MORF4L1: variants seen among roughly 807,000 people sequenced by gnomAD.
MORF4L1 encodes the protein mortality factor 4 like 1, also known as mortality factor 4-like protein 1.
MORF4L1 carries 4 observed loss-of-function variants against 52.9 expected under a neutral mutation model. The observed-to-expected ratio is 0.08, with a 90% CI of 0.04 to 0.17. The LOEUF is 0.17. Ranked by LOEUF, MORF4L1 falls within the 10% of genes least tolerant of loss-of-function variation. MORF4L1 has a pLI of 1.00. For synonymous variants in MORF4L1, 123 were observed against 134.8 expected, an observed-to-expected ratio of 0.91 and a Z score of 0.61; for missense variants, 214 against 390.4, an observed-to-expected ratio of 0.55 and a Z score of 3.81.
intron 7 of MORF4L1, 66 bp downstream of exon 7, chr15:78,891,638 A>AT: frequency 7.8e-7 from 1 of 1,281,686 alleles, no homozygotes; most frequent in Non-Finnish European, 1.1e-6. Context: ...TGACATAACC[A>AT]TGGGAGCTTT....
At position 78,897,609 on chromosome 15, in the gene MORF4L1, A is replaced by G. The variant is rs1358829649; in HGVS notation, c.*542A>G. On this transcript the variant is annotated 3_prime_UTR_variant, in exon 12 of 12. Transcript: ENST00000426013. ...TGGTGGCTTGTTTCATGGTTTTTGTATTTGTGTCTAATGCACGTTTTAACA... is the reference window on the plus strand; with the variant it reads ...TGGTGGCTTGTTTCATGGTTTTTGTGTTTGTGTCTAATGCACGTTTTAACA... The G allele has an allele frequency of 6.5e-6, 1 of 152,688 alleles. No individual in the cohort carries two copies. The highest frequency in any genetic ancestry group is 2.4e-5 in the African/African-American group (1 of 41,402). 9.5% of individuals were successfully genotyped at this position (152,688 alleles called of 1,614,324 possible).
chr15:78,874,055 AGACT>A (rs1460527399), intron 1 of MORF4L1: 2 of 152,242 alleles, frequency 1.3e-5, no homozygotes, highest in African/African-American at 4.8e-5. Flanking sequence ...GGGTAAGGTT[AGACT>A]GACTCCCAGT....
In MORF4L1 at chr15:78,872,899, C is replaced by G. The variant is rs1453426863; in HGVS notation, c.-119C>G. The G allele has an allele frequency of 6.8e-7, 1 of 1,460,890 alleles. No homozygotes were observed. Among genetic ancestry groups the G allele is most frequent in the African/African-American group, 1.5e-5 (1 of 68,078 alleles). The allele number at this position is 1,460,890 out of a possible 1,614,324, so 90.5% of individuals were successfully genotyped here. On this transcript the variant is annotated 5_prime_UTR_variant, in exon 1 of 12. Coordinates refer to ENST00000426013, the MANE Select transcript of MORF4L1 (RefSeq NM_006791.4). ...GTCTGCGGGCGCTGGCAAATCCGGC[C>G]CAGGATGTAGAGCTGGCAGTGCCTG...
chr15:78,897,234 T>C lies in MORF4L1; in HGVS notation c.*167T>C. 2 of 529,970 alleles carry C rather than the reference T, an allele frequency of 3.8e-6. No individual in the cohort carries two copies. Among genetic ancestry groups the C allele is most frequent in the African/African-American group, 4.1e-5 (2 of 48,430 alleles). 32.8% of individuals were successfully genotyped at this position (529,970 alleles called of 1,614,324 possible). On this transcript the variant is annotated 3_prime_UTR_variant, in exon 12 of 12. Transcript: ENST00000426013. ...AAATAAAAGGGGGTAATAGCTCCTT[T>C]TTTCTTCTTTCTTTTTTTTTTTCAT...
intron 6 of MORF4L1, 63 bp from the exon 7 acceptor site, chr15:78,891,421 C>G (rs2056799263): frequency 1.6e-6 from 2 of 1,226,968 alleles, no homozygotes; most frequent in African/African-American, 3.0e-5. Context: ...TGTCAAGAGA[C>G]TATTTTCCTT....
chr15:78,878,534 AAG>A (rs763412545), intron 2 of MORF4L1, among the ~76,000 whole-genome samples: 7 of 152,222 alleles, frequency 4.6e-5, no homozygotes, highest in South Asian at 2.1e-4. Flanking sequence ...TGTGGGAACA[AAG>A]AGCATTTTGT....
rs940840146 is a variant in MORF4L1 at position 78,880,726 on chromosome 15, A to G, written c.155+147A>G. ...AAAGGTGAATCATTTGTAGTATGACAAAACTATTAGAAATTAGGGTACTGA... is the reference window on the plus strand; with the variant it reads ...AAAGGTGAATCATTTGTAGTATGACGAAACTATTAGAAATTAGGGTACTGA... On this transcript the variant is annotated intron_variant, in intron 3 of 11. Transcript: ENST00000426013. 18 of 592,204 alleles carry G rather than the reference A, an allele frequency of 3.0e-5. No individual in the cohort carries two copies. The Middle Eastern group carries it at 9.1e-4, about 30-fold the overall frequency. The allele number at this position is 592,204 out of a possible 1,614,324, so 36.7% of individuals were successfully genotyped here.
intron 9 of MORF4L1, 84 bp downstream of exon 9, chr15:78,893,711 C>T (rs771611259): frequency 6.4e-5 from 57 of 890,168 alleles, no homozygotes; most frequent in Admixed American, 2.6e-4. Flanking sequence ...GTACTGACTC[C>T]GAAACATTAA....
At chr15:78,884,879 C>T (rs182562246) in intron 3 of MORF4L1, 24 of 831,274 alleles carry the variant, frequency 2.9e-5, no homozygotes, top group East Asian at 5.5e-5. Flanking sequence ...CACTTAAATA[C>T]TCCATTTGTA....
intron 2 of MORF4L1, among the ~76,000 whole-genome samples, chr15:78,878,675 T>A (rs2056541387): frequency 6.6e-6 from 1 of 152,224 alleles, no homozygotes. Flanking sequence ...ATTTAACTGT[T>A]GATTGTTGAT....
At chr15:78,881,686 T>G (rs1168325277) in intron 3 of MORF4L1, among the ~76,000 whole-genome samples, 1 of 152,250 alleles carries the variant, frequency 6.6e-6, no homozygotes, top group East Asian at 1.9e-4. Flanking sequence ...ATTTGGTGAT[T>G]GTAATGAAAA....
chr15:78,887,535 G>T lies in MORF4L1; in HGVS notation c.323+186G>T, dbSNP rs986062816. On this transcript the variant is annotated intron_variant, in intron 5 of 11. Transcript: ENST00000426013. ...CGTATTCCTTAATTTTCCTCAGCAG[G>T]TTCCCCCTCCCTTTAACTTGTGTGT... 1.3e-5 allele frequency: 6 copies of T among 469,214 alleles called. No individual in the cohort carries two copies. In the Admixed American group the frequency reaches 2.4e-4, roughly 19 times the overall value. The allele number at this position is 469,214 out of a possible 1,614,324, so 29.1% of individuals were successfully genotyped here.
At chr15:78,873,582 G>A (rs1319449234) in intron 1 of MORF4L1, 1 of 166,986 alleles carries the variant, frequency 6.0e-6, no homozygotes, top group Admixed American at 6.5e-5. Flanking sequence ...CGGGAGAAGT[G>A]CGTTGTAAAA....
intron 1 of MORF4L1, among the ~76,000 whole-genome samples, chr15:78,877,434 T>C (rs1210019359): frequency 6.6e-6 from 1 of 152,220 alleles, no homozygotes; most frequent in Admixed American, 6.5e-5. Flanking sequence ...CTTTTAATTT[T>C]AGAGCTAAAA....
At chr15:78,884,438 G>A (rs1420237378) in intron 3 of MORF4L1, among the ~76,000 whole-genome samples, 1 of 151,774 alleles carries the variant, frequency 6.6e-6, no homozygotes, top group Non-Finnish European at 1.5e-5. Context: ...CTAGGAGTTC[G>A]AGACAAGCCT....
chr15:78,894,121 C>G lies in MORF4L1; in HGVS notation c.693C>G (p.Thr231=). The G allele has an allele frequency of 6.2e-7, 1 of 1,613,616 alleles. No individual in the cohort carries two copies. Among genetic ancestry groups the G allele is most frequent in the Non-Finnish European group, 8.5e-7 (1 of 1,179,732 alleles). ...AATACTTCAACGTAATGTTGGGTAC[C>G]CAGCTACTCTATAAATTTGAGAGAC... is the stretch of plus-strand genomic sequence containing the variant. ...IKEYFNVMLG[T]QLLYKFERPQ... is the part of the protein sequence containing the mutation. Residue 231 remains threonine, a synonymous_variant, in exon 10 of 12, where the codon ACC becomes ACG. Transcript: ENST00000426013.
At chr15:78,894,411 T>A in intron 10 of MORF4L1, 181 bp downstream of exon 10, 1 of 489,976 alleles carries the variant, frequency 2.0e-6, no homozygotes, top group Non-Finnish European at 3.3e-6. Context: ...GTATTTTATT[T>A]TATAATTTTT....
Position 78,880,593 on chromosome 15 carries a change from C to A in MORF4L1, c.155+14C>A, listed in dbSNP as rs1299792972. ...TTGGAATAAAAAGTGAGTATTAGAT[C>A]TTACAATTCTATTTGTAATTAACAA... is the stretch of plus-strand genomic sequence containing the variant. On this transcript the variant is annotated intron_variant, in intron 3 of 11. Coordinates refer to ENST00000426013, the MANE Select transcript of MORF4L1 (RefSeq NM_006791.4). The A allele has an allele frequency of 1.3e-6, 2 of 1,543,188 alleles. No individual in the cohort carries two copies. The highest frequency in any genetic ancestry group is 1.8e-6 in the Non-Finnish European group (2 of 1,130,436).
chr15:78,884,752 A>G (rs2141470615), intron 3 of MORF4L1, among the ~76,000 whole-genome samples: 1 of 152,304 alleles, frequency 6.6e-6, no homozygotes, highest in Middle Eastern at 3.4e-3. Flanking sequence ...AATTCGTACA[A>G]CAAAACCTTA....
Sources: gnomAD v4.1 joint callset for allele counts (sites outside exome capture counted in the v4.1 genomes callset) on GRCh38, gnomAD v4.1.1 for gene constraint, MANE v1.5 for transcripts, NCBI Gene and HGNC (gene_info 2026-07-23, HGNC 2026-07-21) for gene names.